Variants in SDC2 observed in about 807,000 individuals in gnomAD.
SDC2 encodes the protein syndecan-2.
A neutral mutation model predicts 22.2 loss-of-function variants in SDC2; 13 were observed. The ratio of observed to expected loss-of-function variants is 0.59; its 90% confidence interval spans 0.38 to 0.93. SDC2 has a LOEUF of 0.93. Among genes scored for constraint, SDC2 ranks in the 40% least tolerant of loss-of-function variants. SDC2 has a pLI of 0.00. For synonymous variants in SDC2, 94 were observed against 92.8 expected, an observed-to-expected ratio of 1.01 and a Z score of -0.07; for missense variants, 235 against 246.8, an observed-to-expected ratio of 0.95 and a Z score of 0.32.
chr8:96,588,413 A>G (rs2130622880), intron 1 of SDC2, among the ~76,000 whole-genome samples: 1 of 152,294 alleles, frequency 6.6e-6, no homozygotes, highest in Middle Eastern at 3.4e-3. Flanking sequence ...TTCCTTTACA[A>G]TGTGTGTTGC....
intron 1 of SDC2, among the ~76,000 whole-genome samples, chr8:96,553,680 G>A (rs1814062936): frequency 6.6e-6 from 1 of 151,982 alleles, no homozygotes; most frequent in South Asian, 2.1e-4. Context: ...AGAACCACAA[G>A]TGTTATTCTT....
chr8:96,554,431 G>A (rs553573050), intron 1 of SDC2, among the ~76,000 whole-genome samples: 1 of 151,810 alleles, frequency 6.6e-6, no homozygotes, highest in East Asian at 1.9e-4. Flanking sequence ...GATTTTAAAA[G>A]GAAAAAAAGT....
rs1468000482 is a variant in SDC2, at chr8:96,497,638, G to C, written c.60+3307G>C. On this transcript the variant is annotated intron_variant, in intron 1 of 4. Transcript: ENST00000302190. ...AGTCTCCAAAAGCCCCCAGAGACCT[G>C]ACTGGCCAGCTAGAGGTGGCTTGGA... is the stretch of plus-strand genomic sequence containing the variant. Among the ~76,000 whole-genome samples, 29 of 152,186 alleles carry C rather than the reference G, an allele frequency of 1.9e-4. 1 individual carries two copies. Among genetic ancestry groups the C allele is most frequent in the Admixed American group, 1.9e-3 (29 of 15,284 alleles).
intron 1 of SDC2, among the ~76,000 whole-genome samples, chr8:96,582,721 G>T (rs949969874): frequency 5.9e-5 from 9 of 152,168 alleles, no homozygotes; most frequent in African/African-American, 2.2e-4. Context: ...TGGAACATCT[G>T]CCCAGCTCAC....
chr8:96,564,124 C>T (rs1190413201), intron 1 of SDC2, among the ~76,000 whole-genome samples: 2 of 152,116 alleles, frequency 1.3e-5, no homozygotes, highest in Admixed American at 1.3e-4. Flanking sequence ...TCAGGTGTCC[C>T]CAGTTGTACT....
chr8:96,550,231 C>G (rs946457564), intron 1 of SDC2, among the ~76,000 whole-genome samples: 6 of 152,040 alleles, frequency 3.9e-5, no homozygotes, highest in African/African-American at 1.5e-4. Flanking sequence ...TCCAAAAATC[C>G]AAAAATCTGA....
intron 3 of SDC2, among the ~76,000 whole-genome samples, chr8:96,604,171 T>G (rs1815039474): frequency 6.6e-6 from 1 of 152,242 alleles, no homozygotes; most frequent in East Asian, 1.9e-4. Context: ...TGGCTTGTAG[T>G]GATAGAGAGT....
At chr8:96,552,879 C>T (rs528899106) in intron 1 of SDC2, among the ~76,000 whole-genome samples, 1 of 152,244 alleles carries the variant, frequency 6.6e-6, no homozygotes, top group African/African-American at 2.4e-5. Context: ...CTTGAAGTAT[C>T]TTCTTAGAAA....
Position 96,591,372 on chromosome 8 carries a change from G to A in SDC2, c.61-2108G>A, listed in dbSNP as rs116765847. 4.9e-3 allele frequency among the ~76,000 whole-genome samples: 740 copies of A among 152,270 alleles called. 6 individuals carry two copies. Among genetic ancestry groups the A allele is most frequent in the Middle Eastern group, 0.02 (6 of 294 alleles). ...CAGATGGTCTCCTAGGCTTAAAATG[G>A]AGAGATTTTAAACTACGAGGATCCT... On this transcript the variant is annotated intron_variant, in intron 1 of 4. Transcript: ENST00000302190.
chr8:96,523,926 C>T (rs1410584016), intron 1 of SDC2, among the ~76,000 whole-genome samples: 3 of 152,112 alleles, frequency 2.0e-5, no homozygotes. Flanking sequence ...CTGGTTGTTG[C>T]CACAGACACT....
At chr8:96,596,387 T>C (rs1294292590) in intron 2 of SDC2, among the ~76,000 whole-genome samples, 1 of 152,218 alleles carries the variant, frequency 6.6e-6, no homozygotes, top group Non-Finnish European at 1.5e-5. Context: ...AAAAAATGGC[T>C]GAAGGCCCAG....
At chr8:96,535,625 A>G (rs1813742597) in intron 1 of SDC2, among the ~76,000 whole-genome samples, 1 of 152,256 alleles carries the variant, frequency 6.6e-6, no homozygotes, top group South Asian at 2.1e-4. Flanking sequence ...GGGTAGAGAT[A>G]TATATCGACT....
chr8:96,581,095 A>G (rs1036388561), intron 1 of SDC2, among the ~76,000 whole-genome samples: 22 of 152,204 alleles, frequency 1.4e-4, no homozygotes, highest in Admixed American at 1.4e-3. Flanking sequence ...GAAATGTTAT[A>G]TCTCTTATGA....
At chr8:96,589,337 C>A (rs2078127932) in intron 1 of SDC2, among the ~76,000 whole-genome samples, 1 of 152,198 alleles carries the variant, frequency 6.6e-6, no homozygotes, top group South Asian at 2.1e-4. Context: ...ACTAGAACTG[C>A]AGCTGAGGCC....
At chr8:96,534,747 CT>C (rs1017453698) in intron 1 of SDC2, among the ~76,000 whole-genome samples, 5 of 151,768 alleles carry the variant, frequency 3.3e-5, no homozygotes, top group African/African-American at 1.2e-4. Context: ...GGCCTTTTCA[CT>C]TTCTATTAAT....
intron 1 of SDC2, among the ~76,000 whole-genome samples, chr8:96,538,215 C>T (rs1432774858): frequency 6.6e-6 from 1 of 152,162 alleles, no homozygotes; most frequent in African/African-American, 2.4e-5. Context: ...CCTCCTTAGC[C>T]TCCCAAAGTT....
At chr8:96,542,233 C>G (rs1813862174) in intron 1 of SDC2, among the ~76,000 whole-genome samples, 1 of 152,176 alleles carries the variant, frequency 6.6e-6, no homozygotes, top group South Asian at 2.1e-4. Flanking sequence ...TTTCCTAAAT[C>G]CAGCTCTGCT....
intron 1 of SDC2, among the ~76,000 whole-genome samples, chr8:96,506,975 C>T (rs990300119): frequency 6.7e-6 from 1 of 148,840 alleles, no homozygotes; most frequent in Admixed American, 6.7e-5. Flanking sequence ...CGCCACCGCA[C>T]TCCAGCCTGG....
intron 1 of SDC2, among the ~76,000 whole-genome samples, chr8:96,591,600 TTA>T (rs1416381832): frequency 1.3e-5 from 2 of 152,174 alleles, no homozygotes; most frequent in Non-Finnish European, 2.9e-5. Context: ...CAGTGAGGGT[TTA>T]TGTCTTAAAC....
Sources: allele counts gnomAD v4.1 joint callset (sites outside exome capture counted in the v4.1 genomes callset), GRCh38; gene constraint gnomAD v4.1.1; transcripts MANE v1.5; gene names NCBI Gene and HGNC (gene_info 2026-07-23, HGNC 2026-07-21).